MGAT4C: variants seen among roughly 807,000 people sequenced by gnomAD.
MGAT4C encodes the protein MGAT4 family member C, also known as alpha-1,3-mannosyl-glycoprotein 4-beta-N-acetylglucosaminyltransferase C.
Under a neutral mutation model 40.1 loss-of-function variants are expected in MGAT4C, and 19 were observed. The observed-to-expected ratio is 0.47, with a 90% CI of 0.33 to 0.70. MGAT4C has a LOEUF of 0.70. Among genes scored for constraint, MGAT4C ranks in the 30% least tolerant of loss-of-function variants. The pLI, the probability that MGAT4C is intolerant of heterozygous loss-of-function variation, is 0.02. For synonymous variants in MGAT4C, 181 were observed against 187.1 expected (o/e 0.97, Z 0.27); for missense variants, 491 against 563.2 (o/e 0.87, Z 1.30).
At chr12:86,640,480 G>T (rs1963349106) in intron 2 of MGAT4C, among the ~76,000 whole-genome samples, 1 of 151,694 alleles carries the variant, frequency 6.6e-6, no homozygotes, top group Admixed American at 6.6e-5. Flanking sequence ...GCATCTATTT[G>T]ATTCTTCTCT....
chr12:86,438,313 A>G (rs1433195792), intron 2 of MGAT4C, among the ~76,000 whole-genome samples: 2 of 151,950 alleles, frequency 1.3e-5, no homozygotes, highest in African/African-American at 2.4e-5. Flanking sequence ...GAAAGCTGAG[A>G]GAGTTGAGGA....
chr12:86,413,310 G>T (rs1956643039), intron 3 of MGAT4C, among the ~76,000 whole-genome samples: 1 of 152,136 alleles, frequency 6.6e-6, no homozygotes, highest in Non-Finnish European at 1.5e-5. Context: ...AAATCTAAGT[G>T]AATAGCTAAT....
chr12:86,169,825 A>G (rs1390209742), intron 1 of MGAT4C, among the ~76,000 whole-genome samples: 1 of 152,202 alleles, frequency 6.6e-6, no homozygotes, highest in Non-Finnish European at 1.5e-5. Context: ...GCCCAGAAAG[A>G]GAAAAGATAT....
chr12:86,607,124 A>C (rs1054848740), intron 2 of MGAT4C, among the ~76,000 whole-genome samples: 3 of 152,082 alleles, frequency 2.0e-5, no homozygotes, highest in Non-Finnish European at 4.4e-5. Context: ...AGAAATTCTC[A>C]TACTTTTTTC....
intron 1 of MGAT4C, among the ~76,000 whole-genome samples, chr12:86,741,673 C>A (rs972436342): frequency 6.6e-6 from 1 of 151,258 alleles, no homozygotes; most frequent in Non-Finnish European, 1.5e-5. Flanking sequence ...AAAGCACCCC[C>A]AAAGATTTCA....
At chr12:86,148,061 T>G (rs1360677435) in intron 1 of MGAT4C, among the ~76,000 whole-genome samples, 1 of 152,136 alleles carries the variant, frequency 6.6e-6, no homozygotes, top group Non-Finnish European at 1.5e-5. Flanking sequence ...AACTACAACA[T>G]CTATATTGAA....
intron 2 of MGAT4C, among the ~76,000 whole-genome samples, chr12:86,006,497 G>C (rs1887891223): frequency 6.6e-6 from 1 of 151,998 alleles, no homozygotes; most frequent in African/African-American, 2.4e-5. Flanking sequence ...TTTGTTCAAT[G>C]GAAAAAAGAA....
chr12:86,000,700 A>T (rs1317733161), intron 2 of MGAT4C, among the ~76,000 whole-genome samples: 3 of 152,202 alleles, frequency 2.0e-5, no homozygotes, highest in African/African-American at 7.2e-5. Context: ...TTATTTGATA[A>T]CATTTTAAGT....
chr12:86,134,722 C>G (rs1292889845), intron 1 of MGAT4C, among the ~76,000 whole-genome samples: 1 of 152,052 alleles, frequency 6.6e-6, no homozygotes, highest in Non-Finnish European at 1.5e-5. Context: ...AAAAGCCTCT[C>G]TTTCTGGAGC....
At chr12:86,278,222 C>T (rs1241082777) in intron 4 of MGAT4C, among the ~76,000 whole-genome samples, 1 of 101,498 alleles carries the variant, frequency 9.9e-6, no homozygotes, top group Non-Finnish European at 1.9e-5. Flanking sequence ...TCTTGTTGCC[C>T]AGGCTGCAGT....
At chr12:86,427,173 G>A (rs909173422) in intron 3 of MGAT4C, among the ~76,000 whole-genome samples, 2 of 151,890 alleles carry the variant, frequency 1.3e-5, no homozygotes, top group East Asian at 3.9e-4. Context: ...CCCTAAGAGG[G>A]GCTGCCTTCT....
At chr12:86,462,689 C>T (rs1291465259) in intron 2 of MGAT4C, among the ~76,000 whole-genome samples, 5 of 152,186 alleles carry the variant, frequency 3.3e-5, no homozygotes, top group Non-Finnish European at 7.4e-5. Context: ...CCCGAGAGGC[C>T]CTGGCAAGCC....
chr12:85,993,834 T>C (rs531409582), intron 2 of MGAT4C, among the ~76,000 whole-genome samples: 1 of 152,258 alleles, frequency 6.6e-6, no homozygotes, highest in South Asian at 2.1e-4. Flanking sequence ...GATGCATTTG[T>C]TGACTGCCAC....
At chr12:86,138,581 A>G (rs140654473) in intron 1 of MGAT4C, among the ~76,000 whole-genome samples, 189 of 38,266 alleles carry the variant, frequency 4.9e-3, no homozygotes, top group Middle Eastern at 0.013. Flanking sequence ...GATATATCAT[A>G]TATATATTTC....
rs750669561 is a variant in MGAT4C at position 85,980,370 on chromosome 12, G to T, written c.356C>A (p.Thr119Lys). The change falls in exon 5 of 5, where the codon ACA (threonine) becomes AAA (lysine). Residue 119 changes from threonine (T) to lysine (K), a missense_variant. By Grantham distance (78) the Thr-to-Lys change is moderately conservative. Transcript: ENST00000611864. Reference protein sequence around the residue: ...KRKKGNYLLETIKSIFEQSSY... With the variant: ...KRKKGNYLLEKIKSIFEQSSY... Reference sequence around the variant, plus strand: ...GGATTGCTCAAAAATTGACTTAATTGTCTCAAGTAAATAGTTTCCTTTTTT... The same window carrying T: ...GGATTGCTCAAAAATTGACTTAATTTTCTCAAGTAAATAGTTTCCTTTTTT... The T allele has an allele frequency of 3.1e-6, 5 of 1,612,978 alleles. No individual in the cohort carries two copies. Among genetic ancestry groups the T allele is most frequent in the Non-Finnish European group, 4.2e-6 (5 of 1,179,574 alleles).
At chr12:86,241,586 GT>G (rs1566205399) in intron 1 of MGAT4C, among the ~76,000 whole-genome samples, 1 of 152,066 alleles carries the variant, frequency 6.6e-6, no homozygotes, top group East Asian at 1.9e-4. Flanking sequence ...TGTAGATTGG[GT>G]CATGACACCA....
At chr12:86,622,847 T>C (rs554692587) in intron 2 of MGAT4C, among the ~76,000 whole-genome samples, 2 of 152,020 alleles carry the variant, frequency 1.3e-5, no homozygotes, top group South Asian at 2.1e-4. Flanking sequence ...AATGAGAGAA[T>C]TAGTAGACAA....
chr12:86,379,531 A>C (rs1955889920), intron 3 of MGAT4C, among the ~76,000 whole-genome samples: 1 of 152,064 alleles, frequency 6.6e-6, no homozygotes, highest in South Asian at 2.1e-4. Flanking sequence ...GGGAGCAGGG[A>C]ATGTGTCTGA....
At chr12:86,705,364 C>T (rs1005444275) in intron 2 of MGAT4C, among the ~76,000 whole-genome samples, 2 of 151,880 alleles carry the variant, frequency 1.3e-5, no homozygotes, top group East Asian at 1.9e-4. Flanking sequence ...AGGGAAAGCA[C>T]ATAATTGAGT....
Sources: gnomAD v4.1 joint callset for allele counts (sites outside exome capture counted in the v4.1 genomes callset) on GRCh38, gnomAD v4.1.1 for gene constraint, MANE v1.5 for transcripts, NCBI Gene and HGNC (gene_info 2026-07-23, HGNC 2026-07-21) for gene names.